The following DPP4 variants were observed in gnomAD, a reference collection of about 807,000 sequenced individuals.
DPP4 encodes ADCP-2.
Under a neutral mutation model 122.4 loss-of-function variants are expected in DPP4, and 93 were observed. That is an observed-to-expected ratio of 0.76 (90% CI 0.64 to 0.90). DPP4 has a LOEUF of 0.90. Ranked by LOEUF, DPP4 falls within the 40% of genes least tolerant of loss-of-function variation. The pLI is 0.00. For missense variants in DPP4, 914 were observed against 907.3 expected (o/e 1.01, Z -0.09); for synonymous variants, 321 against 302.9 (o/e 1.06, Z -0.62).
chr2:162,005,887 T>C, intron 22 of DPP4, 78 bp from the exon 23 acceptor site: 1 of 1,047,142 alleles, frequency 9.5e-7, no homozygotes, highest in South Asian at 1.4e-5. Flanking sequence ...GCCACTTCAG[T>C]GTTTCCATAT....
chr2:162,012,043 T>C (rs1682723669), intron 19 of DPP4, 56 bp from the exon 20 acceptor site: 3 of 1,543,816 alleles, frequency 1.9e-6, no homozygotes, highest in Non-Finnish European at 8.9e-7. Context: ...AAATGAGGAA[T>C]GCTTACATTT....
At chr2:162,001,644 G>A (rs1293551262) in intron 23 of DPP4, among the ~76,000 whole-genome samples, 1 of 152,170 alleles carries the variant, frequency 6.6e-6, no homozygotes, top group Non-Finnish European at 1.5e-5. Context: ...AAAGACCTGT[G>A]ACTGACCACA....
At chr2:162,022,927 C>T (rs916569333) in intron 11 of DPP4, 128 bp from the exon 12 acceptor site, 8 of 936,912 alleles carry the variant, frequency 8.5e-6, no homozygotes, top group African/African-American at 1.6e-5. Flanking sequence ...TCATATATTT[C>T]TATTTATGTT....
At chr2:162,032,224 G>A (rs188115704) in intron 10 of DPP4, 34 of 152,274 alleles carry the variant, frequency 2.2e-4, no homozygotes, top group Admixed American at 7.2e-4. Context: ...ATATAGATTC[G>A]TACTTGGTCA....
chr2:161,998,027 G>T (rs906779351), intron 23 of DPP4, among the ~76,000 whole-genome samples: 3 of 152,158 alleles, frequency 2.0e-5, no homozygotes, highest in African/African-American at 7.2e-5. Context: ...ATAATAATGG[G>T]TATCCTTTGA....
At chr2:162,009,115 C>A (rs1298629783) in intron 21 of DPP4, 126 bp downstream of exon 21, 3 of 955,680 alleles carry the variant, frequency 3.1e-6, no homozygotes, top group Non-Finnish European at 4.9e-6. Flanking sequence ...AGAGTTACTG[C>A]CCAGAGACCT....
intron 10 of DPP4, among the ~76,000 whole-genome samples, chr2:162,025,805 CAG>C (rs1683308123): frequency 6.6e-6 from 1 of 152,106 alleles, no homozygotes; most frequent in African/African-American, 2.4e-5. Context: ...TCTTTTTTGT[CAG>C]AGAGTTCCAA....
intron 15 of DPP4, 115 bp downstream of exon 15, chr2:162,019,108 C>A: frequency 5.0e-6 from 5 of 995,602 alleles, no homozygotes; most frequent in Non-Finnish European, 7.8e-6. Flanking sequence ...ATAAAAAGTG[C>A]TCAATAGCAA....
chr2:162,019,196 A>C, intron 15 of DPP4, 27 bp downstream of exon 15: 3 of 1,583,386 alleles, frequency 1.9e-6, no homozygotes, highest in South Asian at 2.3e-5. Context: ...AAAATGACTC[A>C]AGTCAACAAC....
chr2:162,061,858 C>T (rs1684785758), intron 2 of DPP4, among the ~76,000 whole-genome samples: 1 of 152,136 alleles, frequency 6.6e-6, no homozygotes, highest in Admixed American at 6.5e-5. Context: ...GACATAGGAA[C>T]AGATAATGAG....
At chr2:162,065,072 G>A (rs1272035414) in intron 2 of DPP4, among the ~76,000 whole-genome samples, 2 of 152,168 alleles carry the variant, frequency 1.3e-5, no homozygotes, top group East Asian at 3.9e-4. Flanking sequence ...CCTTCCATGT[G>A]CTAGCAAAAG....
intron 12 of DPP4, 21 bp from the exon 13 acceptor site, chr2:162,020,709 A>G (rs758789275): frequency 6.5e-7 from 1 of 1,549,768 alleles, no homozygotes; most frequent in South Asian, 1.2e-5. Flanking sequence ...ATAGAGAACA[A>G]AAGAACATTA....
intron 5 of DPP4, among the ~76,000 whole-genome samples, chr2:162,041,960 G>C (rs561819621): frequency 5.3e-5 from 8 of 152,112 alleles, no homozygotes; most frequent in Non-Finnish European, 1.2e-4. Flanking sequence ...GGGTGGGAGA[G>C]GCAGGAATCA....
Position 162,016,788 on chromosome 2 carries a change from A to C in DPP4, c.1547T>G (p.Phe516Cys). 1 of 1,612,356 alleles carries C rather than the reference A, an allele frequency of 6.2e-7. No homozygotes were observed. Among genetic ancestry groups the C allele is most frequent in the Non-Finnish European group, 8.5e-7 (1 of 1,179,540 alleles). The change falls in exon 18 of 26, where the codon TTC becomes TGC. Residue 516 changes from phenylalanine (F) to cysteine (C), a missense_variant. Transcript: ENST00000360534. Reference protein sequence around the residue: ...NVQMPSKKLDFIILNETKFWY... With the variant: ...NVQMPSKKLDCIILNETKFWY... The stretch of plus-strand genomic sequence containing the variant: ...CTTACTTGTTTCATTCAAAATAATG[A>C]AGTCCAGTTTTTTGGAGGGCATCTG...
chr2:162,040,926 T>TA (rs200264367), intron 5 of DPP4, among the ~76,000 whole-genome samples: 43 of 150,802 alleles, frequency 2.9e-4, no homozygotes, highest in African/African-American at 6.3e-4. Context: ...TGATATTAAT[T>TA]AAAAAAAAAT....
chr2:162,024,681 C>G, intron 11 of DPP4, 123 bp downstream of exon 11: 1 of 1,322,844 alleles, frequency 7.6e-7, no homozygotes, highest in African/African-American at 1.5e-5. Context: ...CAGGATCAGA[C>G]AGAGTCAGAA....
chr2:162,026,206 G>C (rs777117184), intron 10 of DPP4, among the ~76,000 whole-genome samples: 1 of 152,090 alleles, frequency 6.6e-6, no homozygotes, highest in Non-Finnish European at 1.5e-5. Context: ...TTAGGTGCTG[G>C]ATAAAGCCCT....
chr2:162,020,722 GC>G, intron 12 of DPP4, 34 bp from the exon 13 acceptor site: 6 of 1,511,160 alleles, frequency 4.0e-6, no homozygotes, highest in Non-Finnish European at 5.5e-6. Flanking sequence ...GAACATTAAA[GC>G]ACAGTGTCTC....
chr2:162,025,576 T>C (rs1683295572), intron 10 of DPP4, among the ~76,000 whole-genome samples: 1 of 152,182 alleles, frequency 6.6e-6, no homozygotes, highest in Non-Finnish European at 1.5e-5. Flanking sequence ...CAGAGGTATC[T>C]CTAGTAGTGC....
Sources: gnomAD v4.1 joint callset for allele counts (sites outside exome capture counted in the v4.1 genomes callset) on GRCh38, gnomAD v4.1.1 for gene constraint, MANE v1.5 for transcripts, NCBI Gene and HGNC (gene_info 2026-07-23, HGNC 2026-07-21) for gene names.